Variants in TMEM43 observed in about 807,000 individuals in gnomAD.
TMEM43 encodes arrhythmogenic right ventricular dysplasia 5.
Under a neutral mutation model 49.6 loss-of-function variants are expected in TMEM43, and 45 were observed. The ratio of observed to expected loss-of-function variants is 0.91; its 90% CI spans 0.71 to 1.16. TMEM43 has a LOEUF of 1.16. TMEM43 is among the 50% of genes most tolerant of loss of function. The pLI is 0.00. For missense variants in TMEM43, 532 were observed against 516.6 expected, an observed-to-expected ratio of 1.03 and a Z score of -0.29; for synonymous variants, 199 against 207.8, an observed-to-expected ratio of 0.96 and a Z score of 0.36.
chr3:14,141,190 T>C (rs1318892071), intron 11 of TMEM43, among the ~76,000 whole-genome samples: 4 of 152,218 alleles, frequency 2.6e-5, no homozygotes, highest in African/African-American at 9.7e-5. Flanking sequence ...TAGGAATGGC[T>C]GAGAGGCCCA....
chr3:14,131,495 C>T (rs1695095001), intron 3 of TMEM43, 85 bp from the exon 4 acceptor site: 3 of 1,100,822 alleles, frequency 2.7e-6, no homozygotes, highest in South Asian at 1.3e-5. Context: ...CTTCCTCTTC[C>T]AGTCCAGCTT....
At chr3:14,137,981 A>G (rs1393750958) in intron 10 of TMEM43, 2 of 152,176 alleles carry the variant, frequency 1.3e-5, no homozygotes, top group Admixed American at 6.5e-5. Flanking sequence ...AAGTATTCCT[A>G]CCTCACTGAG....
rs1442064745 is a variant in TMEM43, at chr3:14,141,842, G to A, written c.*47G>A. ...ACACCTGCGTGAGCCCTAGGATCCA[G>A]GTCCTCTCTCACCTCTGACCCAGCT... is the stretch of plus-strand genomic sequence containing the variant. On this transcript the variant is annotated 3_prime_UTR_variant, in exon 12 of 12. Transcript: ENST00000306077. The A allele has an allele frequency of 6.4e-7, 1 of 1,569,202 alleles. No individual in the cohort carries two copies. The highest frequency in any genetic ancestry group is 8.6e-7 in the Non-Finnish European group (1 of 1,158,026).
chr3:14,139,023 G>A (rs1695213472), intron 10 of TMEM43, among the ~76,000 whole-genome samples, 157 bp from the exon 11 acceptor site: 1 of 152,196 alleles, frequency 6.6e-6, no homozygotes, highest in African/African-American at 2.4e-5. Flanking sequence ...ATGGGCAGAA[G>A]GACTTAGCCC....
chr3:14,127,114 A>G (rs1695031610), intron 1 of TMEM43, among the ~76,000 whole-genome samples: 1 of 151,974 alleles, frequency 6.6e-6, no homozygotes, highest in South Asian at 2.1e-4. Flanking sequence ...GTCACTGGGG[A>G]TGTCCGTCTG....
chr3:14,140,745 C>T (rs1695236181), intron 11 of TMEM43, among the ~76,000 whole-genome samples: 2 of 152,204 alleles, frequency 1.3e-5, no homozygotes, highest in Admixed American at 1.3e-4. Flanking sequence ...CACATGGTGC[C>T]TAACACAGGC....
Position 14,139,189 on chromosome 3 carries a change from C to G in TMEM43, c.892C>G (p.His298Asp), listed in dbSNP as rs1559363073. 1 of 1,613,818 alleles carries G rather than the reference C, an allele frequency of 6.2e-7. No homozygotes were observed. Among genetic ancestry groups the G allele is most frequent in the Non-Finnish European group, 8.5e-7 (1 of 1,179,686 alleles). Residue 298 changes from histidine (H) to aspartate (D), a missense_variant, in exon 11 of 12, where the codon CAT becomes GAT. Physicochemically the swap from His to Asp is moderately conservative, Grantham distance 81. Coordinates refer to ENST00000306077, the MANE Select transcript of TMEM43 (RefSeq NM_024334.3). ...CCACCTTGTCCTGCAGGAGGTGTTT[C>G]ATAGAGAACTAAGGAGCAACTCCAT... ...HGDFSAEEVF[H>D]RELRSNSMKT... is the part of the protein sequence containing the mutation.
At chr3:14,129,882 T>C (rs1695070040) in intron 2 of TMEM43, among the ~76,000 whole-genome samples, 1 of 152,134 alleles carries the variant, frequency 6.6e-6, no homozygotes, top group Non-Finnish European at 1.5e-5. Flanking sequence ...TATTATGGTG[T>C]TTTTCTTGGG....
rs1308637165 is a variant in TMEM43 at position 14,129,504 on chromosome 3, G to C, written c.105G>C (p.Gly35=). Residue 35 remains glycine (G), a synonymous_variant, in exon 2 of 12, where the codon GGG becomes GGC. Coordinates refer to ENST00000306077, the MANE Select transcript of TMEM43 (RefSeq NM_024334.3). The part of the protein sequence containing the change: ...FLERLSETSG[G]MFVGLMAFLL... Reference sequence around the variant, plus strand: ...AACGGCTGAGCGAGACCTCGGGTGGGATGTTTGTGGGGCTCATGGCCTTCC... The same window carrying C: ...AACGGCTGAGCGAGACCTCGGGTGGCATGTTTGTGGGGCTCATGGCCTTCC... The C allele has an allele frequency of 1.2e-6, 2 of 1,614,096 alleles. No individual in the cohort carries two copies. The highest frequency in any genetic ancestry group is 1.1e-5 in the South Asian group (1 of 91,072).
intron 1 of TMEM43, among the ~76,000 whole-genome samples, chr3:14,126,732 T>C (rs909129356): frequency 6.6e-6 from 1 of 152,224 alleles, no homozygotes; most frequent in African/African-American, 2.4e-5. Context: ...CCAAGGAATA[T>C]ACATGCATTT....
chr3:14,131,463 ACCCTTGTCC>A (rs779171846), intron 3 of TMEM43, 108 bp from the exon 4 acceptor site: 3 of 844,456 alleles, frequency 3.6e-6, no homozygotes, highest in Non-Finnish European at 5.9e-6. Flanking sequence ...AGGGCTCTCC[ACCCTTGTCC>A]CCTTCTCTAT....
At chr3:14,134,235 C>T (rs1695137896) in intron 7 of TMEM43, among the ~76,000 whole-genome samples, 1 of 152,232 alleles carries the variant, frequency 6.6e-6, no homozygotes, top group African/African-American at 2.4e-5. Context: ...ACAGGCATCC[C>T]CCATTGACTC....
At chr3:14,140,027 T>C (rs1695227243) in intron 11 of TMEM43, among the ~76,000 whole-genome samples, 2 of 152,226 alleles carry the variant, frequency 1.3e-5, no homozygotes. Flanking sequence ...TGCATCAGTC[T>C]TCTCTGGGTG....
rs780129544 is a variant in TMEM43, at chr3:14,139,287, C to A, written c.990C>A (p.Leu330=). ...GCCTCAACCTTATGACACGGATCCT[C>A]TACACCTTGGGTAGGTGTTGGGGTG... The part of the protein sequence containing the change: ...FMGLNLMTRI[L]YTLVDWFPVF... Residue 330 remains leucine (L), a synonymous_variant, in exon 11 of 12, where the codon CTC becomes CTA. Coordinates refer to ENST00000306077, the MANE Select transcript of TMEM43 (RefSeq NM_024334.3). The A allele has an allele frequency of 1.2e-6, 2 of 1,613,736 alleles. No homozygotes were observed. The highest frequency in any genetic ancestry group is 3.3e-5 in the Admixed American group (2 of 60,034).
chr3:14,140,049 C>T (rs1424728114), intron 11 of TMEM43, among the ~76,000 whole-genome samples: 1 of 152,214 alleles, frequency 6.6e-6, no homozygotes, highest in Non-Finnish European at 1.5e-5. Flanking sequence ...CAACAGAAAC[C>T]TCTTCCCCAC....
intron 5 of TMEM43, 46 bp from the exon 6 acceptor site, chr3:14,132,820 G>T (rs370539390): frequency 1.9e-4 from 297 of 1,588,062 alleles, no homozygotes; most frequent in Non-Finnish European, 2.5e-4. Context: ...TCTCAGCCGC[G>T]TGCCACTCCT....
chr3:14,132,437 G>T, intron 4 of TMEM43, 109 bp from the exon 5 acceptor site: 1 of 1,112,106 alleles, frequency 9.0e-7, no homozygotes, highest in East Asian at 2.4e-5. Flanking sequence ...TGCCGTATCT[G>T]GGGAGTCTGA....
rs745443053 is a variant in TMEM43 at position 14,132,632 on chromosome 3, G to T, written c.442+37G>T. On this transcript the variant is annotated intron_variant, in intron 5 of 11. Coordinates refer to ENST00000306077, the MANE Select transcript of TMEM43 (RefSeq NM_024334.3). ...GCCCCTTACGTGGTCTCTGCCCATGGTGGGGGCCCACAGTGGTGGCTGGAC... is the reference window on the plus strand; with the variant it reads ...GCCCCTTACGTGGTCTCTGCCCATGTTGGGGGCCCACAGTGGTGGCTGGAC... 67 of 1,611,552 alleles carry T rather than the reference G, an allele frequency of 4.2e-5. No homozygotes were observed. In the African/African-American group the frequency reaches 6.0e-4, roughly 15 times the overall value.
intron 11 of TMEM43, among the ~76,000 whole-genome samples, chr3:14,140,114 G>C (rs1057447658): frequency 6.6e-6 from 1 of 152,212 alleles, no homozygotes; most frequent in East Asian, 1.9e-4. Flanking sequence ...TGTCTGAGCT[G>C]GGGGGACCAC....
Sources: allele counts gnomAD v4.1 joint callset (sites outside exome capture counted in the v4.1 genomes callset), GRCh38; gene constraint gnomAD v4.1.1; transcripts MANE v1.5; gene names NCBI Gene and HGNC (gene_info 2026-07-23, HGNC 2026-07-21).